The following POLR1G variants were observed in gnomAD, a reference collection of about 807,000 sequenced individuals.
The protein encoded by POLR1G is RNA polymerase I subunit G, also known as DNA-directed RNA polymerase I subunit RPA34.
A neutral mutation model predicts 6.3 loss-of-function variants in POLR1G; 9 were observed. That is an observed-to-expected ratio of 1.44 (90% CI 0.87 to 2.51). The LOEUF (loss-of-function observed/expected upper bound fraction) is 2.51, where lower values mean the gene tolerates loss of function less well. POLR1G is among the 30% of genes most tolerant of loss of function. The pLI, the probability that POLR1G is intolerant of heterozygous loss-of-function variation, is 0.00. For missense variants in POLR1G, 617 were observed against 632.5 expected (o/e 0.98, Z 0.26); for synonymous variants, 248 against 256.5 (o/e 0.97, Z 0.32).
chr19:45,407,246 T>C lies in POLR1G; in HGVS notation c.164+11T>C, dbSNP rs1159756530. The C allele has an allele frequency of 1.2e-6, 2 of 1,609,198 alleles. No homozygotes were observed. The highest frequency in any genetic ancestry group is 2.2e-5 in the South Asian group (2 of 90,280). On this transcript the variant is annotated intron_variant, in intron 2 of 2. Transcript: ENST00000309424. The stretch of plus-strand genomic sequence containing the variant: ...CTTTGCCCCAGAATGGTGAGTGGTC[T>C]TGTTGACGGAAAAGAGGGTCCCGGT...
At position 45,406,848 on chromosome 19, in the gene POLR1G, G is replaced by A. The variant is rs1311763657; in HGVS notation, c.22+130G>A. 1.9e-6 allele frequency: 2 copies of A among 1,040,766 alleles called. No homozygotes were observed. The highest frequency in any genetic ancestry group is 3.3e-5 in the African/African-American group (2 of 59,996). The allele number at this position is 1,040,766 out of a possible 1,614,324, so 64.5% of individuals were successfully genotyped here. On this transcript the variant is annotated intron_variant, in intron 1 of 2. Coordinates refer to ENST00000309424, the MANE Select transcript of POLR1G (RefSeq NM_012099.3). This position sits in a 1 kb window ranked among gnomAD's most constrained non-coding sequence, Gnocchi z 4.2. Reference sequence around the variant, plus strand: ...TGCGAAGAGCGTGCATTCCCAGTGGGCGAACGGGAATTCGAACGGAGAGAG... The same window carrying A: ...TGCGAAGAGCGTGCATTCCCAGTGGACGAACGGGAATTCGAACGGAGAGAG...
chr19:45,409,517 C>G lies in POLR1G; in HGVS notation c.*16C>G, dbSNP rs767764676. The G allele has an allele frequency of 1.3e-5, 21 of 1,592,994 alleles. No individual in the cohort carries two copies. Among genetic ancestry groups the G allele is most frequent in the Middle Eastern group, 1.9e-4 (1 of 5,298 alleles). On this transcript the variant is annotated 3_prime_UTR_variant, in exon 3 of 3. Transcript: ENST00000309424. The stretch of plus-strand genomic sequence containing the variant: ...GCCTGTGTAGTCTGCCCCCGGGAAA[C>G]TGAGGAACTAAAGAAAGCTGAAGGT...
chr19:45,408,908 A>C lies in POLR1G; in HGVS notation c.940A>C (p.Lys314Gln). The C allele has an allele frequency of 6.2e-7, 1 of 1,614,122 alleles. No individual in the cohort carries two copies. The highest frequency in any genetic ancestry group is 1.1e-5 in the South Asian group (1 of 91,080). The change falls in exon 3 of 3, where the codon AAG (lysine) becomes CAG (glutamine). Residue 314 changes from lysine (K) to glutamine (Q), a missense_variant. Lys to Gln is a moderately conservative substitution (Grantham distance 53). Transcript: ENST00000309424. Reference sequence around the variant, plus strand: ...GACAGTTGAGTCTCAGCCACAGGTGAAGGTGGAGCCACTGGAGGAAGCCAT... The same window carrying C: ...GACAGTTGAGTCTCAGCCACAGGTGCAGGTGGAGCCACTGGAGGAAGCCAT... ...GVTVESQPQV[K>Q]VEPLEEAIPL...
rs1973536883 is a variant in POLR1G at position 45,409,246 on chromosome 19, G to A, written c.1278G>A (p.Lys426=). The change falls in exon 3 of 3, where the codon AAG becomes AAA. Residue 426 remains lysine, a synonymous_variant. Coordinates refer to ENST00000309424, the MANE Select transcript of POLR1G (RefSeq NM_012099.3). ...AAPTSTKKKK[K]KKERGHTVTE... ...CCACATCCACCAAGAAGAAGAAGAA[G>A]AAGAAAGAGAGAGGTCACACAGTGA... The A allele has an allele frequency of 6.2e-7, 1 of 1,613,734 alleles. No homozygotes were observed. Among genetic ancestry groups the A allele is most frequent in the Non-Finnish European group, 8.5e-7 (1 of 1,179,768 alleles).
chr19:45,407,019 G>C, intron 1 of POLR1G, 75 bp from the exon 2 acceptor site: 1 of 1,533,418 alleles, frequency 6.5e-7, no homozygotes, highest in Non-Finnish European at 8.7e-7. Flanking sequence ...TAAGACCAAT[G>C]GACCGATAGG....
rs372370660 is a variant in POLR1G, at chr19:45,409,892, A to T, written c.*391A>T. The T allele has an allele frequency of 0.015, 3,155 of 206,076 alleles. 41 individuals carry two copies. Among genetic ancestry groups the T allele is most frequent in the Admixed American group, 0.026 (345 of 13,036 alleles). The allele number at this position is 206,076 out of a possible 1,614,324, so 12.8% of individuals were successfully genotyped here. ...ATCTTTTTAAGTTATTATTATTATT[A>T]TTATTTTTTTTTTTTTTGAGATGGA... On this transcript the variant is annotated 3_prime_UTR_variant, in exon 3 of 3. Transcript: ENST00000309424.
chr19:45,409,063 G>A lies in POLR1G; in HGVS notation c.1095G>A (p.Ala365=), dbSNP rs755479894. 26 of 1,613,582 alleles carry A rather than the reference G, an allele frequency of 1.6e-5. No homozygotes were observed. The highest frequency in any genetic ancestry group is 4.0e-5 in the African/African-American group (3 of 74,900). ...KPLESPGGTM[A]PQQPEGAKPQ... ...TGGAGTCCCCAGGGGGGACCATGGCGCCTCAACAGCCAGAAGGAGCGAAGC... is the reference window on the plus strand; with the variant it reads ...TGGAGTCCCCAGGGGGGACCATGGCACCTCAACAGCCAGAAGGAGCGAAGC... The change falls in exon 3 of 3, where the codon GCG becomes GCA. Residue 365 remains alanine, a synonymous_variant. Transcript: ENST00000309424.
Position 45,410,129 on chromosome 19 carries a change from C to CGCCT in POLR1G, c.*633_*636dup, listed in dbSNP as rs1247928487. 6.5e-6 allele frequency: 1 copy of CGCCT among 154,726 alleles called. No homozygotes were observed. Among genetic ancestry groups the CGCCT allele is most frequent in the African/African-American group, 2.4e-5 (1 of 41,272 alleles). The allele number at this position is 154,726 out of a possible 1,614,324, so 9.6% of individuals were successfully genotyped here. A position where few individuals can be genotyped will look rare whatever the true frequency, so the allele number is the denominator to read the frequency against. ...GTCTCGATCTCCTGACCTCCTGATG[C>CGCCT]GCCTGCCTCAGCCTCCCAGTGCTGG... On this transcript the variant is annotated 3_prime_UTR_variant, in exon 3 of 3. Transcript: ENST00000309424.
At chr19:45,408,017 G>A in intron 2 of POLR1G, 116 bp from the exon 3 acceptor site, 1 of 1,358,628 alleles carries the variant, frequency 7.4e-7, no homozygotes. Flanking sequence ...TCATGCCACT[G>A]CACTCCAGCC....
chr19:45,409,455 C>T lies in POLR1G; in HGVS notation c.1487C>T (p.Thr496Ile), dbSNP rs2123435825. 1.2e-6 allele frequency: 2 copies of T among 1,612,928 alleles called. No individual in the cohort carries two copies. The highest frequency in any genetic ancestry group is 1.3e-5 in the African/African-American group (1 of 75,028). The change falls in exon 3 of 3, where the codon ACA becomes ATA. Residue 496 changes from threonine (T) to isoleucine (I), a missense_variant. By Grantham distance (89) the Thr-to-Ile change is moderately conservative. Transcript: ENST00000309424. Reference sequence around the variant, plus strand: ...TCAGAGTCTGGGGAGGAGGCTCCCACAGGCCGGGACAAGAAGCGGAAGCAG... The same window carrying T: ...TCAGAGTCTGGGGAGGAGGCTCCCATAGGCCGGGACAAGAAGCGGAAGCAG... ...LNSESGEEAPTGRDKKRKQQQ... is the reference protein window; with the variant it reads ...LNSESGEEAPIGRDKKRKQQQ...
In POLR1G at chr19:45,409,699, G is replaced by T. The variant is rs374407868; in HGVS notation, c.*198G>T. 7 of 958,468 alleles carry T rather than the reference G, an allele frequency of 7.3e-6. No homozygotes were observed. The highest frequency in any genetic ancestry group is 1.2e-5 in the Non-Finnish European group (7 of 581,394). The allele number at this position is 958,468 out of a possible 1,614,324, so 59.4% of individuals were successfully genotyped here. A position where few individuals can be genotyped will look rare whatever the true frequency, so the allele number is the denominator to read the frequency against. ...ATCAGGGTACTTTCAAGAAGGGCTC[G>T]TGCAGGACATCAAACAGCCTCCGGG... On this transcript the variant is annotated 3_prime_UTR_variant, in exon 3 of 3. Coordinates refer to ENST00000309424, the MANE Select transcript of POLR1G (RefSeq NM_012099.3).
chr19:45,408,166 C>T lies in POLR1G; in HGVS notation c.198C>T (p.Ser66=). ...FNGRHVPLSG[S]QIVKGKLAGK... ...GGCGGCATGTGCCTCTCTCTGGCTC[C>T]CAGATCGTCAAGGGCAAATTGGCAG... The change falls in exon 3 of 3, where the codon TCC becomes TCT. Residue 66 remains serine, a synonymous_variant. Transcript: ENST00000309424. 6.2e-7 allele frequency: 1 copy of T among 1,609,152 alleles called. No homozygotes were observed.
chr19:45,408,710 TCCA>T lies in POLR1G; in HGVS notation c.749_751del (p.Thr250del), dbSNP rs1973499598. On this transcript the variant is annotated inframe_deletion, in exon 3 of 3. Coordinates refer to ENST00000309424, the MANE Select transcript of POLR1G (RefSeq NM_012099.3). ...GGAGCCTCTGGGAGTGCTGTTCCCG[TCCA>T]CCACCAAGAAGAGGAAGAAGCCCAA... The T allele has an allele frequency of 6.2e-7, 1 of 1,612,124 alleles. No homozygotes were observed. The highest frequency in any genetic ancestry group is 8.5e-7 in the Non-Finnish European group (1 of 1,179,524).
chr19:45,409,523 A>C lies in POLR1G; in HGVS notation c.*22A>C, dbSNP rs753826588. 6.3e-7 allele frequency: 1 copy of C among 1,587,854 alleles called. No individual in the cohort carries two copies. Among genetic ancestry groups the C allele is most frequent in the South Asian group, 1.1e-5 (1 of 88,268 alleles). On this transcript the variant is annotated 3_prime_UTR_variant, in exon 3 of 3. Coordinates refer to ENST00000309424, the MANE Select transcript of POLR1G (RefSeq NM_012099.3). ...GTAGTCTGCCCCCGGGAAACTGAGG[A>C]ACTAAAGAAAGCTGAAGGTGCCCAC...
chr19:45,406,864 A>G lies in POLR1G; in HGVS notation c.22+146A>G, dbSNP rs1973382078. On this transcript the variant is annotated intron_variant, in intron 1 of 2. Transcript: ENST00000309424. This position sits in a 1 kb window ranked among gnomAD's most constrained non-coding sequence, Gnocchi z 4.2. ...TCCCAGTGGGCGAACGGGAATTCGA[A>G]CGGAGAGAGGGTTATCTTGTGGGGG... 2 of 985,322 alleles carry G rather than the reference A, an allele frequency of 2.0e-6. No homozygotes were observed. Among genetic ancestry groups the G allele is most frequent in the Non-Finnish European group, 2.9e-6 (2 of 692,102 alleles). The allele number at this position is 985,322 out of a possible 1,614,324, so 61.0% of individuals were successfully genotyped here.
Position 45,406,728 on chromosome 19 carries a change from C to T in POLR1G, c.22+10C>T. ...GAGCCCCAGGCCGGCGGTGAGGGTG[C>T]GGGTTGACGGGGTGCGGAGGGTGCG... is the stretch of plus-strand genomic sequence containing the variant. On this transcript the variant is annotated intron_variant, in intron 1 of 2. Transcript: ENST00000309424. This position sits in a 1 kb window ranked among gnomAD's most constrained non-coding sequence, Gnocchi z 4.2. 1.3e-6 allele frequency: 2 copies of T among 1,525,000 alleles called. No homozygotes were observed. The highest frequency in any genetic ancestry group is 1.8e-6 in the Non-Finnish European group (2 of 1,138,666). 94.5% of individuals were successfully genotyped at this position (1,525,000 alleles called of 1,614,324 possible).
At position 45,409,673 on chromosome 19, in the gene POLR1G, C is replaced by A; in HGVS notation, c.*172C>A. On this transcript the variant is annotated 3_prime_UTR_variant, in exon 3 of 3. Coordinates refer to ENST00000309424, the MANE Select transcript of POLR1G (RefSeq NM_012099.3). ...TGGGGGTTTCCTTGGCAGCTGGGGTCATCAGGGTACTTTCAAGAAGGGCTC... is the reference window on the plus strand; with the variant it reads ...TGGGGGTTTCCTTGGCAGCTGGGGTAATCAGGGTACTTTCAAGAAGGGCTC... 8.3e-7 allele frequency: 1 copy of A among 1,208,498 alleles called. No individual in the cohort carries two copies. The highest frequency in any genetic ancestry group is 1.2e-6 in the Non-Finnish European group (1 of 810,156). 74.9% of individuals were successfully genotyped at this position (1,208,498 alleles called of 1,614,324 possible).
chr19:45,407,385 G>T, intron 2 of POLR1G, 150 bp downstream of exon 2: 4 of 687,198 alleles, frequency 5.8e-6, no homozygotes, highest in Non-Finnish European at 7.1e-6. Flanking sequence ...AGAGTAGAGT[G>T]TCCTCAGAAA....
At position 45,409,101 on chromosome 19, in the gene POLR1G, C is replaced by T; in HGVS notation, c.1133C>T (p.Ala378Val). ...GAAGGAGCGAAGCCTCAGGCCCAGG[C>T]AGCTCTGGCAGCTCCCAAAAAGAAG... ...QPEGAKPQAQ[A>V]ALAAPKKKTK... The change falls in exon 3 of 3, where the codon GCA becomes GTA. Residue 378 changes from alanine to valine, a missense_variant. Physicochemically the swap from Ala to Val is moderately conservative, Grantham distance 64. Coordinates refer to ENST00000309424, the MANE Select transcript of POLR1G (RefSeq NM_012099.3). 6.2e-7 allele frequency: 1 copy of T among 1,613,468 alleles called. No homozygotes were observed. The highest frequency in any genetic ancestry group is 8.5e-7 in the Non-Finnish European group (1 of 1,179,588).
Sources: gnomAD v4.1 joint callset for allele counts on GRCh38, gnomAD v4.1.1 for gene constraint, Gnocchi (gnomAD v3.1) non-coding constraint, MANE v1.5 for transcripts, NCBI Gene and HGNC (gene_info 2026-07-23, HGNC 2026-07-21) for gene names.